SLCO2B1: variants seen among roughly 807,000 people sequenced by gnomAD.
SLCO2B1 encodes the protein solute carrier organic anion transporter family member 2B1.
SLCO2B1 carries 41 observed loss-of-function variants against 67.3 expected under a neutral mutation model. The ratio of observed to expected loss-of-function variants is 0.61; its 90% CI spans 0.47 to 0.79. SLCO2B1 has a LOEUF of 0.79. Ranked by LOEUF, SLCO2B1 falls within the 30% of genes least tolerant of loss-of-function variation. The pLI is 0.00. For synonymous variants in SLCO2B1, 379 were observed against 381.4 expected (o/e 0.99, Z 0.07); for missense variants, 837 against 920.1 (o/e 0.91, Z 1.17).
chr11:75,167,478 C>T (rs1394299438), intron 4 of SLCO2B1, among the ~76,000 whole-genome samples: 3 of 152,122 alleles, frequency 2.0e-5, no homozygotes, highest in African/African-American at 7.2e-5. Flanking sequence ...TTACATCAGC[C>T]CAAAGAATGG....
intron 6 of SLCO2B1, 44 bp from the exon 7 acceptor site, chr11:75,172,335 G>T: frequency 2.6e-6 from 4 of 1,544,966 alleles, no homozygotes; most frequent in Non-Finnish European, 3.5e-6. Context: ...AGAAGTGACA[G>T]CCTATCATCC....
chr11:75,192,615 T>C (rs1945039136), intron 8 of SLCO2B1, among the ~76,000 whole-genome samples: 1 of 151,988 alleles, frequency 6.6e-6, no homozygotes, highest in South Asian at 2.1e-4. Context: ...TGGGATGGGA[T>C]GGACGAAATT....
chr11:75,178,129 C>T (rs902065602), intron 7 of SLCO2B1, among the ~76,000 whole-genome samples: 3 of 150,670 alleles, frequency 2.0e-5, no homozygotes, highest in Non-Finnish European at 3.0e-5. Flanking sequence ...AAACTCCAAA[C>T]GCAAGTTCTG....
Position 75,203,039 on chromosome 11 carries a change from C to T in SLCO2B1, c.1828+74C>T, listed in dbSNP as rs778541037. ...CCCACTGTGTGCCAGGCCTGGGGCA[C>T]AGGCATGAGCGGAATTCAATCCCTG... On this transcript the variant is annotated intron_variant, in intron 12 of 13. Coordinates refer to ENST00000289575, the MANE Select transcript of SLCO2B1 (RefSeq NM_007256.5). 4 of 1,359,106 alleles carry T rather than the reference C, an allele frequency of 2.9e-6. No homozygotes were observed. In the African/African-American group the frequency reaches 4.3e-5, roughly 15 times the overall value. 84.2% of individuals were successfully genotyped at this position (1,359,106 alleles called of 1,614,324 possible).
chr11:75,179,710 T>C (rs1347152173), intron 7 of SLCO2B1, among the ~76,000 whole-genome samples: 1 of 152,248 alleles, frequency 6.6e-6, no homozygotes, highest in Non-Finnish European at 1.5e-5. Context: ...GTTCCAATTA[T>C]ACTCTCTTAG....
In SLCO2B1 at chr11:75,193,642, G is replaced by A. The variant is rs1945060300; in HGVS notation, c.1433+67G>A. The A allele has an allele frequency of 4.2e-6, 6 of 1,417,148 alleles. No individual in the cohort carries two copies. The highest frequency in any genetic ancestry group is 1.4e-5 in the South Asian group (1 of 71,108). The allele number at this position is 1,417,148 out of a possible 1,614,324, so 87.8% of individuals were successfully genotyped here. A position where few individuals can be genotyped will look rare whatever the true frequency, so the allele number is the denominator to read the frequency against. ...CAGGACAGGGAGGACAGGGGCCCTGGGCAGAGGCCAGGATGGCAGGGCAAC... is the reference window on the plus strand; with the variant it reads ...CAGGACAGGGAGGACAGGGGCCCTGAGCAGAGGCCAGGATGGCAGGGCAAC... On this transcript the variant is annotated intron_variant, in intron 9 of 13. Transcript: ENST00000289575. The surrounding 1 kb of genome is among the most constrained non-coding windows in gnomAD (Gnocchi z 4.2).
In SLCO2B1 at chr11:75,203,510, G is replaced by T. The variant is rs117082456; in HGVS notation, c.1949+83G>T. 1,882 of 1,565,018 alleles carry T rather than the reference G, an allele frequency of 1.2e-3. 23 individuals are homozygous for T. In the East Asian group the frequency reaches 0.03, roughly 25 times the overall value. ...GGCAGGATACCAGCAGGGAGGGGAG[G>T]TTTCATTTAAGTCTACCTGCTAGGT... On this transcript the variant is annotated intron_variant, in intron 13 of 13. Transcript: ENST00000289575.
In SLCO2B1 at chr11:75,199,185, C is replaced by T. The variant is rs189866021; in HGVS notation, c.1600-1039C>T. Reference sequence around the variant, plus strand: ...TGTAAGATGATATGCACTTAGGGGTCACACAGCTTGTGTGAAGGGTCTTCA... The same window carrying T: ...TGTAAGATGATATGCACTTAGGGGTTACACAGCTTGTGTGAAGGGTCTTCA... On this transcript the variant is annotated intron_variant, in intron 10 of 13. Transcript: ENST00000289575. Among the ~76,000 whole-genome samples the T allele has an allele frequency of 1.7e-4, 26 of 152,200 alleles. No individual in the cohort carries two copies. In the East Asian group the frequency reaches 4.6e-3, roughly 27 times the overall value.
intron 7 of SLCO2B1, among the ~76,000 whole-genome samples, chr11:75,183,163 C>T (rs1485999247): frequency 6.6e-6 from 1 of 152,194 alleles, no homozygotes; most frequent in African/African-American, 2.4e-5. Context: ...TTTAATAATA[C>T]ATTTTATTTA....
intron 6 of SLCO2B1, 32 bp downstream of exon 6, chr11:75,169,796 C>T: frequency 6.4e-7 from 1 of 1,571,538 alleles, no homozygotes; most frequent in Non-Finnish European, 8.8e-7. Flanking sequence ...TTGCTAGACC[C>T]TAGCTAACTG....
At chr11:75,155,750 G>A (rs991555153) in intron 1 of SLCO2B1, among the ~76,000 whole-genome samples, 2 of 152,210 alleles carry the variant, frequency 1.3e-5, no homozygotes, top group African/African-American at 2.4e-5. Flanking sequence ...GAGCCACCAC[G>A]AGGCCAGGCG....
chr11:75,151,726 GAGAC>G (rs763689199), intron 1 of SLCO2B1: 1 of 419,648 alleles, frequency 2.4e-6, no homozygotes, highest in East Asian at 4.3e-5. Flanking sequence ...GACAAAGATA[GAGAC>G]AGACAGAGCA....
In SLCO2B1 at chr11:75,151,230, C is replaced by G; in HGVS notation, c.-152C>G. The G allele has an allele frequency of 3.1e-6, 2 of 653,152 alleles. No individual in the cohort carries two copies. Among genetic ancestry groups the G allele is most frequent in the Non-Finnish European group, 5.4e-6 (2 of 368,882 alleles). The allele number at this position is 653,152 out of a possible 1,614,324, so 40.5% of individuals were successfully genotyped here. ...TGTGTGGCCCAAGAAGAACTGACCC[C>G]GTGTCTGGAGCTCCCACCGTTATTG... On this transcript the variant is annotated 5_prime_UTR_variant, in exon 1 of 14. Coordinates refer to ENST00000289575, the MANE Select transcript of SLCO2B1 (RefSeq NM_007256.5).
intron 10 of SLCO2B1, among the ~76,000 whole-genome samples, chr11:75,196,989 A>C (rs3781726): frequency 0.036 from 5,425 of 152,198 alleles, 277 homozygotes; most frequent in East Asian, 0.23. Context: ...GGTGGTGTGC[A>C]CCTGTAATCC....
chr11:75,155,678 G>A (rs964595109), intron 1 of SLCO2B1, among the ~76,000 whole-genome samples: 2 of 152,104 alleles, frequency 1.3e-5, no homozygotes, highest in African/African-American at 2.4e-5. Context: ...GGCTGGTTTC[G>A]AGCTCCTGAC....
chr11:75,192,565 G>C (rs1444677908), intron 8 of SLCO2B1, among the ~76,000 whole-genome samples: 1 of 152,116 alleles, frequency 6.6e-6, no homozygotes, highest in Non-Finnish European at 1.5e-5. Context: ...TGGGGCGGGG[G>C]AGAGGAATGA....
intron 4 of SLCO2B1, among the ~76,000 whole-genome samples, chr11:75,168,872 C>A (rs1237730602): frequency 1.3e-5 from 2 of 152,218 alleles, no homozygotes; most frequent in African/African-American, 2.4e-5. Context: ...CCAGGGGCCA[C>A]CGTTGCTATG....
At chr11:75,168,381 C>CA (rs1042130740) in intron 4 of SLCO2B1, among the ~76,000 whole-genome samples, 2 of 152,134 alleles carry the variant, frequency 1.3e-5, no homozygotes, top group Admixed American at 6.5e-5. Context: ...TGACACAGCT[C>CA]AGAGTCCCAG....
At chr11:75,170,558 C>T (rs1303309314) in intron 6 of SLCO2B1, among the ~76,000 whole-genome samples, 1 of 152,230 alleles carries the variant, frequency 6.6e-6, no homozygotes, top group Non-Finnish European at 1.5e-5. Context: ...CTGCCATTCT[C>T]ACCTGCAGAC....
Sources: allele counts gnomAD v4.1 joint callset (sites outside exome capture counted in the v4.1 genomes callset), GRCh38; gene constraint gnomAD v4.1.1; non-coding constraint Gnocchi (gnomAD v3.1); transcripts MANE v1.5; gene names NCBI Gene and HGNC (gene_info 2026-07-23, HGNC 2026-07-21).